Variants in BASP1 observed in about 807,000 individuals in gnomAD.
BASP1 encodes the protein brain abundant membrane attached signal protein 1.
Under a neutral mutation model 2.2 loss-of-function variants are expected in BASP1, and 1 was observed. The ratio of observed to expected loss-of-function variants is 0.46; its 90% CI spans 0.16 to 2.17. BASP1 has a LOEUF of 2.17. Ranked by LOEUF, BASP1 falls within the 30% of genes most tolerant of loss-of-function variation. The pLI is 0.27. For synonymous variants in BASP1, 187 were observed against 154.2 expected (o/e 1.21, Z -1.58); for missense variants, 352 against 327.2 (o/e 1.08, Z -0.58).
At chr5:17,250,648 A>C (rs1017344633) in intron 1 of BASP1, among the ~76,000 whole-genome samples, 1 of 152,206 alleles carries the variant, frequency 6.6e-6, no homozygotes, top group Non-Finnish European at 1.5e-5. Context: ...TTTGTCGCCC[A>C]GGCTGGAGTG....
intron 1 of BASP1, among the ~76,000 whole-genome samples, chr5:17,266,605 G>C (rs1376407201): frequency 5.3e-5 from 8 of 151,426 alleles, no homozygotes; most frequent in Admixed American, 5.2e-4. Context: ...TCAGGAGTTT[G>C]AGACTAGCTT....
Position 17,275,302 on chromosome 5 carries a change from C to A in BASP1, c.86C>A (p.Ala29Glu). The A allele has an allele frequency of 6.2e-7, 1 of 1,613,786 alleles. No homozygotes were observed. Among genetic ancestry groups the A allele is most frequent in the Non-Finnish European group, 8.5e-7 (1 of 1,179,934 alleles). ...AKEKDKKAEG[A>E]ATEEEGTPKE... Reference sequence around the variant, plus strand: ...GAGAAAGACAAGAAGGCCGAGGGCGCGGCGACGGAAGAGGAGGGGACCCCG... The same window carrying A: ...GAGAAAGACAAGAAGGCCGAGGGCGAGGCGACGGAAGAGGAGGGGACCCCG... The change falls in exon 2 of 2, where the codon GCG becomes GAG. Residue 29 changes from alanine (A) to glutamate (E), a missense_variant. Coordinates refer to ENST00000322611, the MANE Select transcript of BASP1 (RefSeq NM_006317.5). This position sits in a 1 kb window ranked among gnomAD's most constrained non-coding sequence, Gnocchi z 5.3.
intron 1 of BASP1, among the ~76,000 whole-genome samples, chr5:17,272,656 A>G (rs969534464): frequency 6.6e-6 from 1 of 152,316 alleles, no homozygotes; most frequent in East Asian, 1.9e-4. Flanking sequence ...CTGATACCTC[A>G]ATATAACCAG....
At position 17,220,014 on chromosome 5, in the gene BASP1, T is replaced by C. The variant is rs117678056; in HGVS notation, c.-10+2204T>C. Among the ~76,000 whole-genome samples the C allele has an allele frequency of 1.4e-3, 220 of 152,328 alleles. 2 individuals are homozygous for C. The East Asian group carries it at 0.029, about 20-fold the overall frequency. ...CCATTTAGATTTATTTTCAGGTAGT[T>C]TGTTTTTACCACACAAAAAGGGACT... On this transcript the variant is annotated intron_variant, in intron 1 of 1. Coordinates refer to ENST00000322611, the MANE Select transcript of BASP1 (RefSeq NM_006317.5).
intron 1 of BASP1, among the ~76,000 whole-genome samples, chr5:17,261,675 C>A (rs993946327): frequency 6.6e-6 from 1 of 152,246 alleles, no homozygotes; most frequent in Non-Finnish European, 1.5e-5. Context: ...ACTTAACTTT[C>A]TGAATCTCCC....
intron 1 of BASP1, among the ~76,000 whole-genome samples, chr5:17,247,483 T>TTA (rs1740019007): frequency 6.6e-6 from 1 of 152,222 alleles, no homozygotes; most frequent in South Asian, 2.1e-4. Context: ...CTTCATTCAA[T>TTA]TATGGAAGAA....
intron 1 of BASP1, among the ~76,000 whole-genome samples, chr5:17,238,693 C>T (rs1413871800): frequency 6.6e-6 from 1 of 152,150 alleles, no homozygotes; most frequent in East Asian, 1.9e-4. Context: ...TCCAGCACCA[C>T]GAATGGTTCA....
rs2126524073 is a variant in BASP1 at position 17,275,545 on chromosome 5, C to G, written c.329C>G (p.Ala110Gly). 1 of 1,400,904 alleles carries G rather than the reference C, an allele frequency of 7.1e-7. No homozygotes were observed. The highest frequency in any genetic ancestry group is 9.2e-7 in the Non-Finnish European group (1 of 1,081,990). The allele number at this position is 1,400,904 out of a possible 1,614,324, so 86.8% of individuals were successfully genotyped here. Residue 110 changes from alanine to glycine, a missense_variant, in exon 2 of 2, where the codon GCC becomes GGC. Transcript: ENST00000322611. The surrounding 1 kb of genome is among the most constrained non-coding windows in gnomAD (Gnocchi z 5.3). ...PPKAPEQEQA[A>G]PGPAAGGEAP... ...AAGGCGCCCGAGCAGGAGCAGGCGG[C>G]CCCCGGCCCCGCTGCGGGCGGCGAG... is the stretch of plus-strand genomic sequence containing the variant.
rs562304383 is a variant in BASP1 at position 17,251,396 on chromosome 5, AC to A, written c.-9-23808del. Among the ~76,000 whole-genome samples the A allele has an allele frequency of 2.7e-4, 41 of 152,336 alleles. No homozygotes were observed. In the South Asian group the frequency reaches 8.1e-3, roughly 30 times the overall value. ...ATACAAGTATCAACATATCACATGTACCCCTAAAATATATAAAATGATTTTA... is the reference window on the plus strand; with the variant it reads ...ATACAAGTATCAACATATCACATGTACCCTAAAATATATAAAATGATTTTA... On this transcript the variant is annotated intron_variant, in intron 1 of 1. Transcript: ENST00000322611. The surrounding 1 kb of genome is among the most constrained non-coding windows in gnomAD (Gnocchi z 4.0).
At chr5:17,269,056 G>GA (rs1395740908) in intron 1 of BASP1, among the ~76,000 whole-genome samples, 1 of 152,104 alleles carries the variant, frequency 6.6e-6, no homozygotes, top group African/African-American at 2.4e-5. Context: ...CAGATCCTCT[G>GA]AAGACACTAA....
Position 17,275,971 on chromosome 5 carries a change from A to C in BASP1, c.*71A>C, listed in dbSNP as rs62348046. 308 of 812,560 alleles carry C rather than the reference A, an allele frequency of 3.8e-4. No individual in the cohort carries two copies. The highest frequency in any genetic ancestry group is 1.7e-3 in the East Asian group (51 of 29,672). The allele number at this position is 812,560 out of a possible 1,614,324, so 50.3% of individuals were successfully genotyped here. A position where few individuals can be genotyped will look rare whatever the true frequency, so the allele number is the denominator to read the frequency against. ...TCTCTCTCTCTCTCTCTCTCTCTCTATCTCTCTCTCTATCTCCTCTCTCTC... is the reference window on the plus strand; with the variant it reads ...TCTCTCTCTCTCTCTCTCTCTCTCTCTCTCTCTCTCTATCTCCTCTCTCTC... On this transcript the variant is annotated 3_prime_UTR_variant, in exon 2 of 2. Transcript: ENST00000322611. The surrounding 1 kb of genome is among the most constrained non-coding windows in gnomAD (Gnocchi z 5.3).
Position 17,268,615 on chromosome 5 carries a change from C to T in BASP1, c.-9-6593C>T, listed in dbSNP as rs138353057. Among the ~76,000 whole-genome samples, 231 of 152,208 alleles carry T rather than the reference C, an allele frequency of 1.5e-3. 3 individuals carry two copies. The East Asian group carries it at 0.027, about 18-fold the overall frequency. ...CAGTGTGTCCTGTGGATTCTGTGTA[C>T]AAAATAAACACAGCAGATGATCTGA... On this transcript the variant is annotated intron_variant, in intron 1 of 1. Transcript: ENST00000322611.
intron 1 of BASP1, among the ~76,000 whole-genome samples, chr5:17,258,170 T>C (rs895318980): frequency 1.3e-5 from 2 of 152,132 alleles, no homozygotes; most frequent in Non-Finnish European, 2.9e-5. Flanking sequence ...AGTATATCTC[T>C]ATAGCTGATG....
chr5:17,222,983 A>G (rs1739420513), intron 1 of BASP1, among the ~76,000 whole-genome samples: 2 of 152,196 alleles, frequency 1.3e-5, no homozygotes, highest in Admixed American at 6.5e-5. Flanking sequence ...CAAAGCATTT[A>G]CACAATATTT....
rs1236509413 is a variant in BASP1, at chr5:17,276,826, TAAAA to T, written c.*928_*931del. On this transcript the variant is annotated 3_prime_UTR_variant, in exon 2 of 2. Coordinates refer to ENST00000322611, the MANE Select transcript of BASP1 (RefSeq NM_006317.5). Reference sequence around the variant, plus strand: ...TGCAACAGTAATAAAGTTAAACAATTAAAAAGAAGTAATAAAGACTATTGGGTTT... The same window carrying T: ...TGCAACAGTAATAAAGTTAAACAATTAGAAGTAATAAAGACTATTGGGTTT... The T allele has an allele frequency of 1.8e-5, 3 of 167,012 alleles. No individual in the cohort carries two copies. The highest frequency in any genetic ancestry group is 7.2e-5 in the African/African-American group (3 of 41,426). The allele number at this position is 167,012 out of a possible 1,614,324, so 10.3% of individuals were successfully genotyped here. A position where few individuals can be genotyped will look rare whatever the true frequency, so the allele number is the denominator to read the frequency against.
chr5:17,270,363 T>C (rs1046776401), intron 1 of BASP1, among the ~76,000 whole-genome samples: 1 of 152,176 alleles, frequency 6.6e-6, no homozygotes, highest in African/African-American at 2.4e-5. Flanking sequence ...ATTTAACTAA[T>C]CTTTGGTTTT....
chr5:17,272,050 C>T (rs894918948), intron 1 of BASP1, among the ~76,000 whole-genome samples: 3 of 134,032 alleles, frequency 2.2e-5, no homozygotes, highest in Non-Finnish European at 4.6e-5. Flanking sequence ...GCCTAGGTGA[C>T]AGACTGAGAC....
chr5:17,272,394 G>C (rs1740547299), intron 1 of BASP1, among the ~76,000 whole-genome samples: 1 of 152,130 alleles, frequency 6.6e-6, no homozygotes, highest in African/African-American at 2.4e-5. Flanking sequence ...CTTGGCCTTT[G>C]CTCATAGTAC....
At chr5:17,218,328 C>T (rs1342775308) in intron 1 of BASP1, among the ~76,000 whole-genome samples, 3 of 151,896 alleles carry the variant, frequency 2.0e-5, no homozygotes, top group Admixed American at 2.0e-4. Flanking sequence ...GGAATCTGGC[C>T]CGATCAGAAG....
Sources: allele counts gnomAD v4.1 joint callset (sites outside exome capture counted in the v4.1 genomes callset), GRCh38; gene constraint gnomAD v4.1.1; non-coding constraint Gnocchi (gnomAD v3.1); transcripts MANE v1.5; gene names NCBI Gene and HGNC (gene_info 2026-07-23, HGNC 2026-07-21).